Variants in ARID2 observed in about 807,000 individuals in gnomAD.
ARID2 encodes AT-rich interactive domain-containing protein 2.
A neutral mutation model predicts 184.6 loss-of-function variants in ARID2; 32 were observed. The observed-to-expected ratio is 0.17, with a 90% CI of 0.13 to 0.23. The LOEUF (loss-of-function observed/expected upper bound fraction) is 0.23, where lower values mean the gene tolerates loss of function less well. ARID2 is among the 10% of genes least tolerant of loss of function. The probability of loss-of-function intolerance (pLI) is 1.00; values close to 1 mark genes in which losing one functional copy is unlikely to be tolerated. For missense variants in ARID2, 1,696 were observed against 2,197.6 expected (o/e 0.77, Z 4.56); for synonymous variants, 836 against 772.6 (o/e 1.08, Z -1.36).
intron 3 of ARID2, among the ~76,000 whole-genome samples, chr12:45,744,148 G>C (rs923559183): frequency 4.6e-5 from 7 of 152,092 alleles, no homozygotes; most frequent in Admixed American, 2.6e-4. Context: ...AATTAGTAGG[G>C]AAAATGGAAA....
chr12:45,806,024 A>G, intron 3 of ARID2, among the ~76,000 whole-genome samples: 1 of 152,100 alleles, frequency 6.6e-6, no homozygotes, highest in Non-Finnish European at 1.5e-5. Context: ...CTAGAGAGCC[A>G]TGTGGCTTTA....
chr12:45,730,669 C>T (rs762604755), intron 2 of ARID2, among the ~76,000 whole-genome samples: 2 of 152,030 alleles, frequency 1.3e-5, no homozygotes, highest in African/African-American at 4.8e-5. Flanking sequence ...CCCCGTCGCC[C>T]TCGGTTTATA....
At chr12:45,803,690 A>G (rs990981331) in intron 3 of ARID2, among the ~76,000 whole-genome samples, 2 of 152,054 alleles carry the variant, frequency 1.3e-5, no homozygotes, top group African/African-American at 4.8e-5. Context: ...ATTGCATAGT[A>G]TGGTTGACAA....
chr12:45,743,261 C>T (rs142127294), intron 3 of ARID2, among the ~76,000 whole-genome samples: 8 of 151,432 alleles, frequency 5.3e-5, no homozygotes, highest in African/African-American at 1.2e-4. Flanking sequence ...CCCAGCTACT[C>T]GGGAGGCTGA....
rs139485321 is a variant in ARID2, at chr12:45,859,540, C to G, written c.4774-1261C>G. On this transcript the variant is annotated intron_variant, in intron 15 of 20. Coordinates refer to ENST00000334344, the MANE Select transcript of ARID2 (RefSeq NM_152641.4). ...AATTTACTGCCTTTAAGCAGTTCTT[C>G]AAAAATAATGTACTACCATTTCTAT... is the stretch of plus-strand genomic sequence containing the variant. Among the ~76,000 whole-genome samples, 242 of 152,206 alleles carry G rather than the reference C, an allele frequency of 1.6e-3. 2 individuals are homozygous for G. The highest frequency in any genetic ancestry group is 5.6e-3 in the African/African-American group (234 of 41,550).
intron 3 of ARID2, among the ~76,000 whole-genome samples, chr12:45,792,661 A>AT (rs986774025): frequency 4.6e-5 from 7 of 150,942 alleles, no homozygotes; most frequent in African/African-American, 9.7e-5. Context: ...TGGACTTGTC[A>AT]TTTTTTTTTA....
At chr12:45,732,479 G>T (rs905493838) in intron 3 of ARID2, among the ~76,000 whole-genome samples, 1 of 152,108 alleles carries the variant, frequency 6.6e-6, no homozygotes, top group African/African-American at 2.4e-5. Context: ...ATTAAATATG[G>T]TTGTCATCTA....
At position 45,905,099 on chromosome 12, in the gene ARID2, G is replaced by C. The variant is rs369883199; in HGVS notation, c.*21G>C. ...AGTGAAAAATAATTCCACTTACACA[G>C]TGGGGGACTCAAAGTCAGCCACATT... On this transcript the variant is annotated 3_prime_UTR_variant, in exon 21 of 21. Coordinates refer to ENST00000334344, the MANE Select transcript of ARID2 (RefSeq NM_152641.4). 2 of 1,607,496 alleles carry C rather than the reference G, an allele frequency of 1.2e-6. No individual in the cohort carries two copies. The highest frequency in any genetic ancestry group is 2.2e-5 in the South Asian group (2 of 90,124).
chr12:45,846,604 A>T (rs1943445757), intron 11 of ARID2, among the ~76,000 whole-genome samples: 1 of 152,120 alleles, frequency 6.6e-6, no homozygotes, highest in Non-Finnish European at 1.5e-5. Context: ...AATCATCCAT[A>T]TTAATTGTTA....
intron 3 of ARID2, among the ~76,000 whole-genome samples, chr12:45,798,076 A>G (rs1372693551): frequency 6.6e-6 from 1 of 152,168 alleles, no homozygotes; most frequent in Non-Finnish European, 1.5e-5. Flanking sequence ...AATACACCAT[A>G]TACACAGTTG....
intron 16 of ARID2, chr12:45,874,354 C>A (rs1369527310): frequency 2.4e-5 from 4 of 167,206 alleles, no homozygotes; most frequent in African/African-American, 7.2e-5. Flanking sequence ...AAGATTGAGT[C>A]AGTCTTCTCA....
At chr12:45,837,041 A>C in intron 8 of ARID2, 50 bp downstream of exon 8, 1 of 1,572,408 alleles carries the variant, frequency 6.4e-7, no homozygotes, top group East Asian at 2.2e-5. Flanking sequence ...AGCAACATTT[A>C]TGTTACAATT....
intron 3 of ARID2, among the ~76,000 whole-genome samples, chr12:45,792,681 A>G (rs910967255): frequency 1.3e-5 from 2 of 152,042 alleles, no homozygotes; most frequent in Admixed American, 1.3e-4. Context: ...AGTTGTGTCA[A>G]TTTTGCATTC....
intron 11 of ARID2, 102 bp from the exon 12 acceptor site, chr12:45,846,754 A>G: frequency 1.0e-6 from 1 of 958,630 alleles, no homozygotes; most frequent in Non-Finnish European, 1.6e-6. Flanking sequence ...CCTTTTAAAA[A>G]GGTATTCATT....
chr12:45,824,635 G>A (rs147433758), intron 6 of ARID2, among the ~76,000 whole-genome samples: 1 of 152,030 alleles, frequency 6.6e-6, no homozygotes, highest in African/African-American at 2.4e-5. Context: ...AACAAATGCT[G>A]GTAATAATGT....
Position 45,907,763 on chromosome 12 carries a change from T to G in ARID2, c.*2685T>G, listed in dbSNP as rs953850360. 7 of 232,760 alleles carry G rather than the reference T, an allele frequency of 3.0e-5. No homozygotes were observed. Among genetic ancestry groups the G allele is most frequent in the Non-Finnish European group, 6.0e-5 (7 of 117,590 alleles). The allele number at this position is 232,760 out of a possible 1,614,324, so 14.4% of individuals were successfully genotyped here. A position where few individuals can be genotyped will look rare whatever the true frequency, so the allele number is the denominator to read the frequency against. On this transcript the variant is annotated 3_prime_UTR_variant, in exon 21 of 21. Coordinates refer to ENST00000334344, the MANE Select transcript of ARID2 (RefSeq NM_152641.4). ...GCTTTAATGTTATCTTTGAGAAATCTATGTAAATAATATAGTCTACAACAT... is the reference window on the plus strand; with the variant it reads ...GCTTTAATGTTATCTTTGAGAAATCGATGTAAATAATATAGTCTACAACAT...
Position 45,782,907 on chromosome 12 carries a change from G to A in ARID2, c.285-28511G>A, listed in dbSNP as rs371529382. Among the ~76,000 whole-genome samples, 10 of 150,890 alleles carry A rather than the reference G, an allele frequency of 6.6e-5. No homozygotes were observed. The East Asian group carries it at 1.6e-3, about 24-fold the overall frequency. ...GTAGATCACTTGAGCTCAGGAGTTC[G>A]AGACCAGCCTGGGCAACATGGCAAA... On this transcript the variant is annotated intron_variant, in intron 3 of 20. Transcript: ENST00000334344.
chr12:45,748,894 A>G (rs1428219330), intron 3 of ARID2, among the ~76,000 whole-genome samples: 1 of 152,170 alleles, frequency 6.6e-6, no homozygotes, highest in Non-Finnish European at 1.5e-5. Flanking sequence ...CTCCACTTCT[A>G]ATTCTAGTTC....
At chr12:45,893,098 GC>G (rs1427655126) in intron 18 of ARID2, among the ~76,000 whole-genome samples, 2 of 152,100 alleles carry the variant, frequency 1.3e-5, no homozygotes, top group Admixed American at 6.5e-5. Flanking sequence ...AGATGAGAAG[GC>G]TATAACTTCG....
Sources: gnomAD v4.1 joint callset for allele counts (sites outside exome capture counted in the v4.1 genomes callset) on GRCh38, gnomAD v4.1.1 for gene constraint, MANE v1.5 for transcripts, NCBI Gene and HGNC (gene_info 2026-07-23, HGNC 2026-07-21) for gene names.